The following ERC2 variants were observed in gnomAD, a reference collection of about 807,000 sequenced individuals.
ERC2 encodes the protein ERC protein 2.
A neutral mutation model predicts 114.8 loss-of-function variants in ERC2; 42 were observed. That is an observed-to-expected ratio of 0.37 (90% CI 0.29 to 0.47). The LOEUF (loss-of-function observed/expected upper bound fraction) is 0.47. Ranked by LOEUF, ERC2 falls within the 20% of genes least tolerant of loss-of-function variation. The pLI is 0.99. For missense variants in ERC2, 939 were observed against 1,150.7 expected, an observed-to-expected ratio of 0.82 and a Z score of 2.66; for synonymous variants, 454 against 425.5, an observed-to-expected ratio of 1.07 and a Z score of -0.82.
At chr3:55,787,187 G>A (rs2149066983) in intron 14 of ERC2, among the ~76,000 whole-genome samples, 1 of 152,270 alleles carries the variant, frequency 6.6e-6, no homozygotes, top group Non-Finnish European at 1.5e-5. Context: ...GAGCCAAGGT[G>A]GGTGGATGGC....
rs72875468 is a variant in ERC2, at chr3:55,775,992, G to A, written c.2565-41074C>T. Among the ~76,000 whole-genome samples the A allele has an allele frequency of 1.0e-3, 155 of 152,324 alleles. 1 individual carries two copies. The highest frequency in any genetic ancestry group is 3.7e-3 in the African/African-American group (153 of 41,566). On this transcript the variant is annotated intron_variant, in intron 14 of 17. Coordinates refer to ENST00000288221, the MANE Select transcript of ERC2 (RefSeq NM_015576.3). ...GAAGAAGGATAAAGAAAGCAGTTTG[G>A]TGGTGATCCACAGACCAGTCTCACT...
chr3:56,296,958 T>C (rs192240088), intron 2 of ERC2, among the ~76,000 whole-genome samples: 1 of 152,234 alleles, frequency 6.6e-6, no homozygotes, highest in Admixed American at 6.5e-5. Context: ...ACAGGTTTAG[T>C]AAACAGGATT....
chr3:55,800,573 A>G (rs2070964248), intron 14 of ERC2, among the ~76,000 whole-genome samples: 2 of 152,138 alleles, frequency 1.3e-5, no homozygotes, highest in South Asian at 4.1e-4. Context: ...TTATCTCACA[A>G]TGACACAAGA....
chr3:56,003,144 A>G (rs1219056286), intron 10 of ERC2: 2 of 1,288,134 alleles, frequency 1.6e-6, no homozygotes, highest in African/African-American at 3.0e-5. Flanking sequence ...GCTACATTGC[A>G]AAGTTGGGGA....
intron 1 of ERC2, among the ~76,000 whole-genome samples, chr3:56,455,208 G>A (rs1441058321): frequency 6.6e-6 from 1 of 150,872 alleles, no homozygotes; most frequent in Non-Finnish European, 1.5e-5. Context: ...TTTATGTTAT[G>A]TATATTTTAC....
At chr3:56,318,010 C>G (rs1240887755) in intron 2 of ERC2, among the ~76,000 whole-genome samples, 1 of 152,202 alleles carries the variant, frequency 6.6e-6, no homozygotes, top group Non-Finnish European at 1.5e-5. Context: ...TGCTCTTTGT[C>G]TCTCTTTCTC....
chr3:55,589,930 C>T (rs1020702972), intron 17 of ERC2, among the ~76,000 whole-genome samples: 1 of 152,278 alleles, frequency 6.6e-6, no homozygotes, highest in East Asian at 1.9e-4. Context: ...ATTATTACTG[C>T]CTTTCACTCC....
At chr3:55,746,147 T>A (rs1284033205) in intron 14 of ERC2, among the ~76,000 whole-genome samples, 1 of 152,178 alleles carries the variant, frequency 6.6e-6, no homozygotes, top group Non-Finnish European at 1.5e-5. Flanking sequence ...CGTCATGCCA[T>A]TGCTGTGAGA....
At chr3:55,763,110 G>A (rs1249614027) in intron 14 of ERC2, among the ~76,000 whole-genome samples, 3 of 152,226 alleles carry the variant, frequency 2.0e-5, no homozygotes, top group Non-Finnish European at 2.9e-5. Flanking sequence ...AGAAAAGGGT[G>A]AGAGGCAGCC....
intron 15 of ERC2, among the ~76,000 whole-genome samples, chr3:55,700,852 A>T (rs1431435987): frequency 1.3e-5 from 2 of 152,154 alleles, no homozygotes; most frequent in Non-Finnish European, 2.9e-5. Context: ...AATCTCGCAT[A>T]GGGCCTAGCA....
At chr3:55,585,556 T>C (rs2057555053) in intron 17 of ERC2, among the ~76,000 whole-genome samples, 2 of 152,234 alleles carry the variant, frequency 1.3e-5, no homozygotes, top group Non-Finnish European at 2.9e-5. Context: ...GTTGGGGTTC[T>C]AGATGTTTAA....
At chr3:56,040,580 C>CATATACATATACATGTATATATGTAT (rs756308197) in intron 7 of ERC2, among the ~76,000 whole-genome samples, 3 of 74,570 alleles carry the variant, frequency 4.0e-5, no homozygotes, top group African/African-American at 9.5e-5. Flanking sequence ...TATATGTATA[C>CATATACATATACATGTATATATGTAT]ATATACATAT....
At chr3:55,942,776 T>C (rs1028811003) in intron 13 of ERC2, among the ~76,000 whole-genome samples, 1 of 152,226 alleles carries the variant, frequency 6.6e-6, no homozygotes, top group Admixed American at 6.5e-5. Context: ...ATTAAGTGAA[T>C]AGGAACTGAT....
chr3:55,972,904 G>A (rs949251083), intron 12 of ERC2, among the ~76,000 whole-genome samples: 4 of 152,164 alleles, frequency 2.6e-5, no homozygotes, highest in Non-Finnish European at 5.9e-5. Flanking sequence ...TAGAGAGATG[G>A]GAATGGTCTG....
chr3:56,297,888 C>T (rs1225699632), intron 2 of ERC2, among the ~76,000 whole-genome samples: 1 of 152,180 alleles, frequency 6.6e-6, no homozygotes, highest in African/African-American at 2.4e-5. Flanking sequence ...GAAACTAGCA[C>T]TGGGTGATGC....
intron 2 of ERC2, among the ~76,000 whole-genome samples, chr3:56,345,700 C>T (rs2058279913): frequency 6.6e-6 from 1 of 152,302 alleles, no homozygotes; most frequent in African/African-American, 2.4e-5. Flanking sequence ...GTAGTGATCA[C>T]ATATGAGGGT....
At chr3:55,973,919 G>A (rs2069369776) in intron 12 of ERC2, among the ~76,000 whole-genome samples, 1 of 152,130 alleles carries the variant, frequency 6.6e-6, no homozygotes, top group Non-Finnish European at 1.5e-5. Context: ...ATGTAGGGAA[G>A]TTTAGTTAGT....
intron 17 of ERC2, among the ~76,000 whole-genome samples, chr3:55,626,080 CA>C (rs1460981261): frequency 6.6e-6 from 1 of 152,176 alleles, no homozygotes; most frequent in East Asian, 1.9e-4. Flanking sequence ...CCATCTTGCA[CA>C]ATACAAATTA....
intron 14 of ERC2, among the ~76,000 whole-genome samples, chr3:55,785,752 C>T (rs1296591145): frequency 6.6e-6 from 1 of 152,226 alleles, no homozygotes; most frequent in Non-Finnish European, 1.5e-5. Context: ...GCCAGCTCTG[C>T]ACCATCTTCA....
Sources: allele counts gnomAD v4.1 joint callset (sites outside exome capture counted in the v4.1 genomes callset), GRCh38; gene constraint gnomAD v4.1.1; transcripts MANE v1.5; gene names NCBI Gene and HGNC (gene_info 2026-07-23, HGNC 2026-07-21).